SKIC2: variants seen among roughly 807,000 people sequenced by gnomAD.
SKIC2 encodes the protein SKI2 subunit of superkiller complex.
At chr6:31,960,966 T>A in the SKIC2 span, 1 of 1,117,838 alleles carries the variant, frequency 8.9e-7, no homozygotes, top group East Asian at 2.4e-5. Flanking sequence ...GTAAATGGTA[T>A]CTTTTAGGTT....
the SKIC2 span, chr6:31,963,128 G>T: frequency 2.2e-6 from 3 of 1,374,962 alleles, no homozygotes; most frequent in Admixed American, 5.1e-5. The surrounding 1 kb of genome is among the most constrained non-coding windows in gnomAD (Gnocchi z 5.3). Flanking sequence ...GGTGAAGGGG[G>T]CTACAGTACT....
chr6:31,963,459 C>T, the SKIC2 span: 8 of 1,611,364 alleles, frequency 5.0e-6, no homozygotes, highest in Non-Finnish European at 8.5e-7. This position sits in a 1 kb window ranked among gnomAD's most constrained non-coding sequence, Gnocchi z 5.3. Context: ...TGTAACCCGC[C>T]CCGTGCCCCT....
chr6:31,968,721 G>A, the SKIC2 span: 31 of 1,612,864 alleles, frequency 1.9e-5, no homozygotes, highest in Non-Finnish European at 2.2e-5. The surrounding 1 kb of genome is among the most constrained non-coding windows in gnomAD (Gnocchi z 6.1). Context: ...AGATACAGAA[G>A]GAGATGGAGC....
the SKIC2 span, chr6:31,968,000 G>A: frequency 1.2e-6 from 2 of 1,613,096 alleles, no homozygotes; most frequent in South Asian, 1.1e-5. This position sits in a 1 kb window ranked among gnomAD's most constrained non-coding sequence, Gnocchi z 4.9. Flanking sequence ...AGGAGATATG[G>A]CTGCCATCAC....
At chr6:31,961,449 G>T in the SKIC2 span, 1 of 1,529,694 alleles carries the variant, frequency 6.5e-7, no homozygotes. Context: ...GGCTGGCTAG[G>T]ATGGGTCTGA....
At chr6:31,959,397 T>C in the SKIC2 span, 2 of 1,609,026 alleles carry the variant, frequency 1.2e-6, no homozygotes, top group African/African-American at 1.3e-5. Flanking sequence ...CTCCAGAGAG[T>C]AGCGTGAGTG....
the SKIC2 span, chr6:31,959,945 AT>A: frequency 2.6e-6 from 3 of 1,161,462 alleles, no homozygotes; most frequent in Non-Finnish European, 3.9e-6. Flanking sequence ...AAGTCCCATC[AT>A]CTCTTTTGTC....
At chr6:31,964,167 G>A in the SKIC2 span, 1 of 1,609,420 alleles carries the variant, frequency 6.2e-7, no homozygotes, top group Non-Finnish European at 8.5e-7. This position sits in a 1 kb window ranked among gnomAD's most constrained non-coding sequence, Gnocchi z 5.0. Flanking sequence ...CACACATTTG[G>A]CAGACTGGTG....
chr6:31,965,857 C>T, the SKIC2 span: 1 of 1,613,056 alleles, frequency 6.2e-7, no homozygotes, highest in South Asian at 1.1e-5. The surrounding 1 kb of genome is among the most constrained non-coding windows in gnomAD (Gnocchi z 5.6). Context: ...ACTCCATGCG[C>T]AAACACGATG....
chr6:31,962,865 AT>A, the SKIC2 span: 3 of 1,350,108 alleles, frequency 2.2e-6, no homozygotes, highest in Non-Finnish European at 3.2e-6. The surrounding 1 kb of genome is among the most constrained non-coding windows in gnomAD (Gnocchi z 5.0). Context: ...CGTCTCCCTT[AT>A]TCCACACACT....
At chr6:31,965,889 TCC>T in the SKIC2 span, 1 of 1,613,034 alleles carries the variant, frequency 6.2e-7, no homozygotes, top group Middle Eastern at 1.6e-4. The surrounding 1 kb of genome is among the most constrained non-coding windows in gnomAD (Gnocchi z 5.6). Context: ...CGGGACCTGC[TCC>T]CTGGGGAGTA....
chr6:31,965,919 G>A, the SKIC2 span: 17 of 1,613,028 alleles, frequency 1.1e-5, no homozygotes, highest in Non-Finnish European at 1.2e-5. The surrounding 1 kb of genome is among the most constrained non-coding windows in gnomAD (Gnocchi z 5.6). Flanking sequence ...ATGGCAGGCC[G>A]GGCAGGGCGG....
the SKIC2 span, chr6:31,960,336 A>G: frequency 6.2e-7 from 1 of 1,612,306 alleles, no homozygotes; most frequent in Non-Finnish European, 8.5e-7. Context: ...GGTTACAAAG[A>G]GGTAGGAGGT....
chr6:31,961,362 C>A, the SKIC2 span: 1 of 1,563,464 alleles, frequency 6.4e-7, no homozygotes. Context: ...CCCGAGCAAG[C>A]AGCTTGGAAG....
chr6:31,967,565 C>A, the SKIC2 span: 1 of 908,696 alleles, frequency 1.1e-6, no homozygotes, highest in Non-Finnish European at 1.7e-6. This position sits in a 1 kb window ranked among gnomAD's most constrained non-coding sequence, Gnocchi z 4.9. Flanking sequence ...CCCAAGAAGT[C>A]TGCTCTGATC....
chr6:31,964,870 A>C, the SKIC2 span, among the ~76,000 whole-genome samples: 268 of 152,348 alleles, frequency 1.8e-3, 1 homozygote, highest in African/African-American at 4.7e-3. The surrounding 1 kb of genome is among the most constrained non-coding windows in gnomAD (Gnocchi z 5.0). Flanking sequence ...CTGTAATCCC[A>C]GCACTTTGGG....
At chr6:31,961,994 C>T in the SKIC2 span, 1 of 1,613,036 alleles carries the variant, frequency 6.2e-7, no homozygotes, top group Non-Finnish European at 8.5e-7. Flanking sequence ...GCTCACACAT[C>T]TGCAGGAAAA....
the SKIC2 span, chr6:31,967,223 C>G: frequency 1.9e-6 from 3 of 1,607,690 alleles, no homozygotes; most frequent in Admixed American, 3.3e-5. This position sits in a 1 kb window ranked among gnomAD's most constrained non-coding sequence, Gnocchi z 4.9. Context: ...AAACTTAGTC[C>G]AAGTGTCTGT....
the SKIC2 span, chr6:31,960,338 G>T: frequency 1.9e-6 from 3 of 1,612,280 alleles, no homozygotes; most frequent in Admixed American, 5.0e-5. Context: ...TTACAAAGAG[G>T]TAGGAGGTCA....
Sources: allele counts gnomAD v4.1 joint callset (sites outside exome capture counted in the v4.1 genomes callset), GRCh38; gene constraint gnomAD v4.1.1; non-coding constraint Gnocchi (gnomAD v3.1); transcripts MANE v1.5; gene names NCBI Gene and HGNC (gene_info 2026-07-23, HGNC 2026-07-21).